The following TMEM132D variants were observed in gnomAD, a reference collection of about 807,000 sequenced individuals.
TMEM132D encodes the protein transmembrane protein 132D, also known as mature OL transmembrane protein.
A neutral mutation model predicts 62.3 loss-of-function variants in TMEM132D; 21 were observed. The ratio of observed to expected loss-of-function variants is 0.34; its 90% CI spans 0.24 to 0.49. TMEM132D has a LOEUF of 0.49. Among genes scored for constraint, TMEM132D ranks in the 20% least tolerant of loss-of-function variants. TMEM132D has a pLI of 0.99. For missense variants in TMEM132D, 1,346 were observed against 1,402.8 expected (o/e 0.96, Z 0.65); for synonymous variants, 621 against 575.6 (o/e 1.08, Z -1.13).
intron 1 of TMEM132D, among the ~76,000 whole-genome samples, chr12:129,782,892 T>C (rs1871160089): frequency 6.6e-6 from 1 of 152,232 alleles, no homozygotes; most frequent in African/African-American, 2.4e-5. Context: ...CTTTTTTTCC[T>C]TCTCAATATT....
intron 2 of TMEM132D, among the ~76,000 whole-genome samples, chr12:129,677,950 TTTAA>T (rs1212392454): frequency 6.6e-6 from 1 of 152,182 alleles, no homozygotes; most frequent in African/African-American, 2.4e-5. Flanking sequence ...TTCTGCAAAT[TTTAA>T]TTAAATATTA....
chr12:129,642,920 C>CTT (rs71082742), intron 2 of TMEM132D, among the ~76,000 whole-genome samples: 39,106 of 105,396 alleles, frequency 0.37, 8,178 homozygotes, highest in Middle Eastern at 0.43. Flanking sequence ...ATTTACAAAT[C>CTT]TTTTTTTTTT....
intron 1 of TMEM132D, among the ~76,000 whole-genome samples, chr12:129,836,964 A>C (rs910596673): frequency 1.3e-5 from 2 of 152,246 alleles, no homozygotes; most frequent in African/African-American, 2.4e-5. Flanking sequence ...AATTTTGCAA[A>C]GCAAAGAAGA....
intron 1 of TMEM132D, among the ~76,000 whole-genome samples, chr12:129,882,915 A>T (rs1874644843): frequency 6.6e-6 from 1 of 152,192 alleles, no homozygotes; most frequent in African/African-American, 2.4e-5. Flanking sequence ...CCTACAACTA[A>T]CATCATACTT....
chr12:129,665,827 G>A (rs937232314), intron 2 of TMEM132D, among the ~76,000 whole-genome samples: 3 of 152,090 alleles, frequency 2.0e-5, no homozygotes, highest in African/African-American at 7.2e-5. Context: ...TAATAGTGAA[G>A]AACACATCAT....
chr12:129,734,423 C>G (rs1869353648), intron 1 of TMEM132D, among the ~76,000 whole-genome samples: 1 of 152,118 alleles, frequency 6.6e-6, no homozygotes, highest in South Asian at 2.1e-4. Flanking sequence ...TCTGACCATC[C>G]CTGTTTTTCT....
intron 3 of TMEM132D, among the ~76,000 whole-genome samples, chr12:129,348,695 A>C (rs1174622741): frequency 3.9e-5 from 6 of 152,218 alleles, no homozygotes; most frequent in African/African-American, 2.4e-5. Context: ...TGTTCTGCAC[A>C]TGTATCCCAG....
chr12:129,610,954 C>G (rs1409805954), intron 2 of TMEM132D, among the ~76,000 whole-genome samples: 1 of 152,106 alleles, frequency 6.6e-6, no homozygotes, highest in Non-Finnish European at 1.5e-5. Flanking sequence ...CAGAGGGAAG[C>G]GTGCATTCAC....
intron 3 of TMEM132D, among the ~76,000 whole-genome samples, chr12:129,435,809 G>A (rs1175449877): frequency 1.3e-5 from 2 of 152,210 alleles, no homozygotes; most frequent in African/African-American, 2.4e-5. Flanking sequence ...TATTTGGAAT[G>A]AGGACAGTGC....
chr12:129,471,959 T>C (rs1364184126), intron 3 of TMEM132D, among the ~76,000 whole-genome samples: 1 of 152,242 alleles, frequency 6.6e-6, no homozygotes, highest in South Asian at 2.1e-4. Flanking sequence ...AAGTTGGAAG[T>C]TGGCAGAGGT....
intron 1 of TMEM132D, among the ~76,000 whole-genome samples, chr12:129,847,790 G>GA (rs201980238): frequency 0.012 from 1,861 of 151,692 alleles, 40 homozygotes; most frequent in African/African-American, 0.042. Context: ...ACTTGCCCTG[G>GA]AAAAAAAAGA....
chr12:129,395,427 T>C (rs1271987071), intron 3 of TMEM132D, among the ~76,000 whole-genome samples: 1 of 152,116 alleles, frequency 6.6e-6, no homozygotes, highest in East Asian at 1.9e-4. Flanking sequence ...CTGAATTATT[T>C]CTTATGGGTA....
intron 3 of TMEM132D, 59 bp from the exon 4 acceptor site, chr12:129,337,876 G>A: frequency 6.6e-7 from 1 of 1,513,936 alleles, no homozygotes; most frequent in Non-Finnish European, 8.8e-7. Context: ...TGGCACGCTT[G>A]GCAGAGAGTG....
At chr12:129,118,981 T>C (rs1419358549) in intron 5 of TMEM132D, among the ~76,000 whole-genome samples, 1 of 152,156 alleles carries the variant, frequency 6.6e-6, no homozygotes, top group Non-Finnish European at 1.5e-5. Flanking sequence ...GGAGTGCACT[T>C]AGAAAGGCTT....
chr12:129,499,894 C>T (rs747396293), intron 3 of TMEM132D, among the ~76,000 whole-genome samples: 1 of 152,034 alleles, frequency 6.6e-6, no homozygotes, highest in Non-Finnish European at 1.5e-5. Context: ...GGCAATTCAC[C>T]TGACCTCATC....
chr12:129,651,445 T>G (rs265603), intron 2 of TMEM132D, among the ~76,000 whole-genome samples: 69,339 of 151,888 alleles, frequency 0.46, 16,596 homozygotes, highest in East Asian at 0.65. Flanking sequence ...AATGCGGGAA[T>G]GGAGTGCACT....
chr12:129,295,333 A>G (rs1397632078), intron 4 of TMEM132D, among the ~76,000 whole-genome samples: 1 of 151,778 alleles, frequency 6.6e-6, no homozygotes, highest in Non-Finnish European at 1.5e-5. Context: ...TTGGCTAGAC[A>G]CTACAGAACG....
chr12:129,304,808 C>T (rs767080003), intron 4 of TMEM132D, among the ~76,000 whole-genome samples: 1 of 151,876 alleles, frequency 6.6e-6, no homozygotes, highest in Non-Finnish European at 1.5e-5. Flanking sequence ...GGATTATAGG[C>T]GTGCGCCACT....
At chr12:129,475,474 G>A (rs1177586085) in intron 3 of TMEM132D, among the ~76,000 whole-genome samples, 2 of 152,212 alleles carry the variant, frequency 1.3e-5, no homozygotes, top group African/African-American at 4.8e-5. Context: ...AACAGAGACA[G>A]AAAATAAAGG....
Sources: allele counts gnomAD v4.1 joint callset (sites outside exome capture counted in the v4.1 genomes callset), GRCh38; gene constraint gnomAD v4.1.1; transcripts MANE v1.5; gene names NCBI Gene and HGNC (gene_info 2026-07-23, HGNC 2026-07-21).